The following BRWD3 variants were observed in gnomAD, a reference collection of about 807,000 sequenced individuals.
BRWD3 encodes the protein bromodomain and WD repeat domain containing 3.
BRWD3 carries 10 observed loss-of-function variants against 149.7 expected under a neutral mutation model. The ratio of observed to expected loss-of-function variants is 0.07; its 90% confidence interval spans 0.04 to 0.11. The LOEUF (loss-of-function observed/expected upper bound fraction) is 0.11, where lower values mean the gene tolerates loss of function less well. Among genes scored for constraint, BRWD3 ranks in the 10% least tolerant of loss-of-function variants. BRWD3 has a pLI of 1.00. For synonymous variants in BRWD3, 504 were observed against 456.7 expected, an observed-to-expected ratio of 1.10 and a Z score of -1.32; for missense variants, 940 against 1,373.2, an observed-to-expected ratio of 0.68 and a Z score of 4.99.
In BRWD3 at chrX:80,675,384, G is replaced by A. The variant is rs755833043; in HGVS notation, c.*1225C>T. On this transcript the variant is annotated 3_prime_UTR_variant, in exon 41 of 41. Transcript: ENST00000373275. ...AACCAGGTGCTTTGTTAAATTTTAA[G>A]ATTCAAATGAAAACCAGCAACTCAC... The A allele has an allele frequency of 9.0e-6, 1 of 111,530 alleles. No homozygotes were observed. The highest frequency in any genetic ancestry group is 3.7e-4 in the South Asian group (1 of 2,680). 9.2% of individuals were successfully genotyped at this position (111,530 alleles called of 1,213,427 possible).
intron 2 of BRWD3, 94 bp downstream of exon 2, chrX:80,809,152 T>C: frequency 4.4e-6 from 5 of 1,143,590 alleles, no homozygotes; most frequent in Non-Finnish European, 4.7e-6. Context: ...AGGCCGGCCT[T>C]TCCCTCACCC....
At chrX:80,788,204 A>G (rs929571224) in intron 6 of BRWD3, among the ~76,000 whole-genome samples, 2 of 110,546 alleles carry the variant, frequency 1.8e-5, no homozygotes, top group African/African-American at 6.6e-5. Context: ...AGGCCGAGGC[A>G]GGTGATTGCT....
At chrX:80,698,698 G>C (rs1375959940) in intron 25 of BRWD3, among the ~76,000 whole-genome samples, 1 of 78,389 alleles carries the variant, frequency 1.3e-5, no homozygotes, top group Non-Finnish European at 2.7e-5. Context: ...GACAGAGCGA[G>C]ACTCTGTCTT....
chrX:80,769,141 T>C (rs948784862), intron 6 of BRWD3, among the ~76,000 whole-genome samples: 5 of 111,027 alleles, frequency 4.5e-5, no homozygotes, highest in Non-Finnish European at 7.5e-5. Context: ...GCAATAAGAA[T>C]GGCAGACTTT....
chrX:80,702,849 T>C (rs193163675), intron 24 of BRWD3, among the ~76,000 whole-genome samples: 10 of 112,002 alleles, frequency 8.9e-5, no homozygotes, highest in South Asian at 3.7e-4. Context: ...AAAAACTGTG[T>C]AAAAACATTT....
At chrX:80,692,204 A>G in intron 28 of BRWD3, 54 bp from the exon 29 acceptor site, 1 of 1,049,567 alleles carries the variant, frequency 9.5e-7, no homozygotes, top group Non-Finnish European at 1.3e-6. Context: ...ACTTCCTTTC[A>G]TATACTACCA....
At position 80,754,725 on chromosome X, in the gene BRWD3, A is replaced by G. The variant is rs1476120645; in HGVS notation, c.431-8996T>C. On this transcript the variant is annotated intron_variant, in intron 6 of 40. Transcript: ENST00000373275. ...GATTTTTACCAAAAAGGAATGCTGA[A>G]GCCGGGCATGGTGGCTCACGCCTAT... Among the ~76,000 whole-genome samples the G allele has an allele frequency of 2.7e-5, 3 of 112,309 alleles. No individual in the cohort carries two copies. The Admixed American group carries it at 2.8e-4, about 11-fold the overall frequency.
At chrX:80,789,437 G>A (rs191319836) in intron 6 of BRWD3, among the ~76,000 whole-genome samples, 4 of 111,264 alleles carry the variant, frequency 3.6e-5, no homozygotes, top group African/African-American at 6.5e-5. Context: ...GTGCAGTGGC[G>A]CGATCTCGGT....
In BRWD3 at chrX:80,809,288, G is replaced by A; in HGVS notation, c.48C>T (p.Ile16=). 1 of 1,196,559 alleles carries A rather than the reference G, an allele frequency of 8.4e-7. No individual in the cohort carries two copies. The highest frequency in any genetic ancestry group is 1.1e-6 in the Non-Finnish European group (1 of 886,599). Residue 16 remains isoleucine, a synonymous_variant, in exon 2 of 41, where the codon ATC becomes ATT. Coordinates refer to ENST00000373275, the MANE Select transcript of BRWD3 (RefSeq NM_153252.5). The part of the protein sequence containing the change: ...TQIEAELYYL[I]ARFLQSGPCN... ...AGGGTCCAGACTGCAAGAACCTAGC[G>A]ATCAGGTAATACAGCTCTGGGGAAG... is the stretch of plus-strand genomic sequence containing the variant.
intron 8 of BRWD3, among the ~76,000 whole-genome samples, chrX:80,740,440 C>T (rs796493053): frequency 1.8e-5 from 2 of 112,166 alleles, no homozygotes; most frequent in South Asian, 7.3e-4. Context: ...CCAACGTATT[C>T]CACATTAAAA....
intron 20 of BRWD3, among the ~76,000 whole-genome samples, chrX:80,711,647 T>C (rs1012121074): frequency 2.7e-5 from 3 of 112,216 alleles, no homozygotes; most frequent in Non-Finnish European, 5.6e-5. Context: ...TAGAGGCTTC[T>C]TCTGCGTAAT....
intron 6 of BRWD3, among the ~76,000 whole-genome samples, chrX:80,770,601 T>A (rs2073932031): frequency 1.8e-5 from 2 of 111,517 alleles, no homozygotes; most frequent in African/African-American, 6.5e-5. Flanking sequence ...CGAACGTATT[T>A]CAAAACAATA....
intron 6 of BRWD3, among the ~76,000 whole-genome samples, chrX:80,763,154 C>T (rs1407929339): frequency 9.0e-6 from 1 of 110,811 alleles, no homozygotes; most frequent in Admixed American, 9.7e-5. Flanking sequence ...CTTATTTAAC[C>T]CTATGAAGTG....
intron 20 of BRWD3, among the ~76,000 whole-genome samples, chrX:80,713,855 G>A (rs2073034490): frequency 8.9e-6 from 1 of 111,931 alleles, no homozygotes; most frequent in African/African-American, 3.3e-5. Flanking sequence ...CCTATCTCAA[G>A]GGTCTGGAGA....
chrX:80,797,703 G>A (rs1030429133), intron 4 of BRWD3, among the ~76,000 whole-genome samples: 1 of 111,718 alleles, frequency 9.0e-6, no homozygotes, highest in Admixed American at 9.5e-5. Context: ...TTAAAGACTT[G>A]TACAATAAAC....
intron 9 of BRWD3, among the ~76,000 whole-genome samples, chrX:80,735,641 A>G (rs1431935296): frequency 2.7e-5 from 3 of 109,376 alleles, no homozygotes; most frequent in Non-Finnish European, 5.7e-5. Flanking sequence ...TGTCTCTACT[A>G]AAAATACAAA....
intron 6 of BRWD3, among the ~76,000 whole-genome samples, chrX:80,773,509 C>CTTAT (rs2073969289): frequency 8.9e-6 from 1 of 111,763 alleles, no homozygotes; most frequent in Non-Finnish European, 1.9e-5. Flanking sequence ...ATATTAGTTA[C>CTTAT]ATATTTCTGA....
intron 9 of BRWD3, 49 bp from the exon 10 acceptor site, chrX:80,735,246 G>A: frequency 1.0e-6 from 1 of 1,004,550 alleles, no homozygotes; most frequent in South Asian, 1.9e-5. Context: ...TTTGGCTAAT[G>A]GGCCAGAATG....
rs188066591 is a variant in BRWD3, at chrX:80,719,679, C to A, written c.1877-23G>T. On this transcript the variant is annotated intron_variant, in intron 17 of 40. Transcript: ENST00000373275. ...CACCTTAATAAGACCAGATACAAAG[C>A]CACAAAATTACTTACATTTTAGTAT... The A allele has an allele frequency of 1.1e-5, 13 of 1,198,391 alleles. No homozygotes were observed. The South Asian group carries it at 1.6e-4, about 15-fold the overall frequency.
Sources: allele counts gnomAD v4.1 joint callset (sites outside exome capture counted in the v4.1 genomes callset), GRCh38; gene constraint gnomAD v4.1.1; transcripts MANE v1.5; gene names NCBI Gene and HGNC (gene_info 2026-07-23, HGNC 2026-07-21).